The following TDRD1 variants were observed in gnomAD, a reference collection of about 807,000 sequenced individuals.
TDRD1 encodes the protein tudor domain containing 1, also known as tudor domain-containing protein 1.
In TDRD1, 37 loss-of-function variants were observed where a neutral mutation model predicts 140.6. The observed-to-expected ratio is 0.26, with a 90% CI of 0.20 to 0.35. The LOEUF (loss-of-function observed/expected upper bound fraction) is 0.35, where lower values mean the gene tolerates loss of function less well. Among genes scored for constraint, TDRD1 ranks in the 10% least tolerant of loss-of-function variants. The probability of loss-of-function intolerance (pLI) is 1.00; values close to 1 mark genes in which losing one functional copy is unlikely to be tolerated. For missense variants in TDRD1, 1,243 were observed against 1,393.0 expected, an observed-to-expected ratio of 0.89 and a Z score of 1.71; for synonymous variants, 506 against 475.7, an observed-to-expected ratio of 1.06 and a Z score of -0.83.
chr10:114,204,788 G>A (rs755473153), exon 10 of TDRD1: 12 of 1,607,128 alleles, frequency 7.5e-6, no homozygotes, highest in Non-Finnish European at 1.0e-5. Context: ...TTGTATCAAA[G>A]CTACTAAACC....
intron 1 of TDRD1, chr10:114,180,047 A>G (rs530916092): frequency 4.8e-4 from 73 of 152,332 alleles, no homozygotes; most frequent in African/African-American, 1.8e-3. Flanking sequence ...TGGTTTGGTA[A>G]GTTATTCCAA....
chr10:114,208,488 A>T lies in TDRD1; in HGVS notation c.1385-2093A>T, dbSNP rs151072031. 4.0e-3 allele frequency among the ~76,000 whole-genome samples: 608 copies of T among 152,274 alleles called. 3 individuals carry two copies. Among genetic ancestry groups the T allele is most frequent in the African/African-American group, 0.013 (560 of 41,560 alleles). The stretch of plus-strand genomic sequence containing the variant: ...TGACCTAGCCTGGCTGAAAGCCTTT[A>T]CAACTTGGTCTCTAATGTCAGCATA... On this transcript the variant is annotated intron_variant, in intron 11 of 25. Transcript: ENST00000251864.
chr10:114,231,384 G>A, intron 25 of TDRD1: 1 of 998,542 alleles, frequency 1.0e-6, no homozygotes, highest in Non-Finnish European at 1.5e-6. Context: ...CGTAATTTCA[G>A]TTAAAAGTGA....
At chr10:114,214,192 A>C in intron 16 of TDRD1, 78 bp downstream of exon 16, 2 of 1,264,306 alleles carry the variant, frequency 1.6e-6, no homozygotes, top group Non-Finnish European at 1.1e-6. Flanking sequence ...TTTGTTACTA[A>C]GTGATAAAAG....
chr10:114,184,138 T>G (rs1210293903), intron 1 of TDRD1, among the ~76,000 whole-genome samples: 1 of 152,044 alleles, frequency 6.6e-6, no homozygotes, highest in East Asian at 1.9e-4. Flanking sequence ...TTGCACCCAC[T>G]AGGCAGAAAA....
At chr10:114,207,990 C>T (rs527522422) in intron 11 of TDRD1, among the ~76,000 whole-genome samples, 1 of 152,062 alleles carries the variant, frequency 6.6e-6, no homozygotes, top group South Asian at 2.1e-4. Context: ...CTAAGACTTG[C>T]AATAAAGCCA....
intron 2 of TDRD1, among the ~76,000 whole-genome samples, chr10:114,190,242 T>A (rs1219779708): frequency 6.6e-6 from 1 of 152,254 alleles, no homozygotes; most frequent in East Asian, 1.9e-4. Context: ...ATATAGTTTT[T>A]AAAAATTATC....
At chr10:114,198,860 C>G (rs1313472204) in intron 3 of TDRD1, among the ~76,000 whole-genome samples, 1 of 152,118 alleles carries the variant, frequency 6.6e-6, no homozygotes, top group Non-Finnish European at 1.5e-5. Flanking sequence ...ATCATCTCTG[C>G]CTTTTGGTGT....
At chr10:114,213,533 T>C (rs1399302627) in exon 15 of TDRD1, 6 of 1,613,868 alleles carry the variant, frequency 3.7e-6, no homozygotes, top group Non-Finnish European at 2.5e-6. Flanking sequence ...CAGGCTTTGC[T>C]GTGGGAGAAC....
chr10:114,181,922 C>T (rs573595070), intron 1 of TDRD1, among the ~76,000 whole-genome samples: 1 of 151,744 alleles, frequency 6.6e-6, no homozygotes, highest in Admixed American at 6.6e-5. Context: ...TCTATGCCTG[C>T]GTTACATTCA....
At chr10:114,193,366 C>T (rs1467871988) in intron 3 of TDRD1, among the ~76,000 whole-genome samples, 1 of 139,788 alleles carries the variant, frequency 7.2e-6, no homozygotes, top group Non-Finnish European at 1.5e-5. Context: ...TATCTTGGCT[C>T]ACTGCAACCT....
intron 25 of TDRD1, chr10:114,228,550 A>C: frequency 2.0e-6 from 2 of 990,808 alleles, no homozygotes; most frequent in South Asian, 9.3e-5. Context: ...CTAAAGGGCC[A>C]AGAACGGAAA....
chr10:114,208,215 A>C (rs1349853074), intron 11 of TDRD1, among the ~76,000 whole-genome samples: 1 of 152,180 alleles, frequency 6.6e-6, no homozygotes, highest in East Asian at 1.9e-4. Context: ...CGGATCATTA[A>C]AGGTCGCAGG....
At chr10:114,232,639 T>C (rs1476580577), downstream of TDRD1, among the ~76,000 whole-genome samples, 8 of 151,972 alleles carry the variant, frequency 5.3e-5, no homozygotes, top group Admixed American at 3.9e-4. Context: ...CACGCTGCTT[T>C]GCCCAATAAA....
At chr10:114,181,741 A>G (rs1051876279) in intron 1 of TDRD1, among the ~76,000 whole-genome samples, 1 of 151,628 alleles carries the variant, frequency 6.6e-6, no homozygotes, top group South Asian at 2.1e-4. Flanking sequence ...GCTACTTGGG[A>G]GGCTGGGGCA....
chr10:114,178,183 T>TA (rs1248889300), upstream of TDRD1, among the ~76,000 whole-genome samples: 3 of 152,056 alleles, frequency 2.0e-5, no homozygotes, highest in Non-Finnish European at 4.4e-5. Flanking sequence ...GAAACTGCTC[T>TA]AAAAAATAAA....
chr10:114,204,508 TA>T (rs1407800049), intron 9 of TDRD1, among the ~76,000 whole-genome samples: 2 of 152,228 alleles, frequency 1.3e-5, no homozygotes, highest in African/African-American at 4.8e-5. Flanking sequence ...TATTCTTTCA[TA>T]AATTTCTCCA....
Position 114,199,204 on chromosome 10 carries a change from C to A in TDRD1, c.416C>A (p.Ser139Ter), listed in dbSNP as rs2034566037. ...GGAAATAATGTACGTCCTGCAAAATCAAAAAAACTAAACAAGTTGGTCGAG... is the reference window on the plus strand; with the variant it reads ...GGAAATAATGTACGTCCTGCAAAATAAAAAAAACTAAACAAGTTGGTCGAG... Residue 139 changes from serine to a stop codon, truncating the protein, a stop_gained, in exon 4 of 26, where the codon TCA (serine) becomes TAA (stop). Transcript: ENST00000251864. LOFTEE classifies it high-confidence loss of function. The A allele has an allele frequency of 6.2e-7, 1 of 1,613,570 alleles. No homozygotes were observed. Among genetic ancestry groups the A allele is most frequent in the Non-Finnish European group, 8.5e-7 (1 of 1,179,864 alleles).
At chr10:114,194,758 G>T (rs1400597954) in intron 3 of TDRD1, among the ~76,000 whole-genome samples, 3 of 132,828 alleles carry the variant, frequency 2.3e-5, no homozygotes, top group Non-Finnish European at 4.8e-5. Flanking sequence ...TTGGTTGTTG[G>T]TTTTTTTTTT....
Sources: allele counts gnomAD v4.1 joint callset (sites outside exome capture counted in the v4.1 genomes callset), GRCh38; gene constraint gnomAD v4.1.1; transcripts MANE v1.5; gene names NCBI Gene and HGNC (gene_info 2026-07-23, HGNC 2026-07-21).